TMEM200A: variants seen among roughly 807,000 people sequenced by gnomAD.
The protein encoded by TMEM200A is transmembrane protein 200A.
A neutral mutation model predicts 24.3 loss-of-function variants in TMEM200A; 12 were observed. That is an observed-to-expected ratio of 0.49 (90% confidence interval 0.32 to 0.80). The LOEUF (loss-of-function observed/expected upper bound fraction) is 0.80, where lower values mean the gene tolerates loss of function less well. Ranked by LOEUF, TMEM200A falls within the 30% of genes least tolerant of loss-of-function variation. The pLI is 0.04. For missense variants in TMEM200A, 545 were observed against 614.4 expected (o/e 0.89, Z 1.19); for synonymous variants, 224 against 224.4 (o/e 1.00, Z 0.02).
At chr6:130,398,654 A>G (rs1334575299) in intron 2 of TMEM200A, among the ~76,000 whole-genome samples, 1 of 151,882 alleles carries the variant, frequency 6.6e-6, no homozygotes, top group Non-Finnish European at 1.5e-5. Context: ...CTGTTGTTTT[A>G]AGACTTTTTA....
At chr6:130,409,238 C>T (rs572286830) in intron 2 of TMEM200A, among the ~76,000 whole-genome samples, 1 of 152,232 alleles carries the variant, frequency 6.6e-6, no homozygotes, top group East Asian at 1.9e-4. Context: ...CATCTGCTTC[C>T]CATTGGACAT....
chr6:130,375,449 GGATC>G (rs1778432142), intron 1 of TMEM200A, among the ~76,000 whole-genome samples: 1 of 152,094 alleles, frequency 6.6e-6, no homozygotes, highest in Non-Finnish European at 1.5e-5. Context: ...TGCCAGCTGG[GGATC>G]CAGTAATGAC....
Position 130,391,884 on chromosome 6 carries a change from G to A in TMEM200A, c.-17+6648G>A, listed in dbSNP as rs576172158. ...CAGCCTCCCGAGTAGCTGGGATAAC[G>A]GGTGCCCGCCACCATGCCCGGCTAA... On this transcript the variant is annotated intron_variant, in intron 2 of 2. Transcript: ENST00000296978. Among the ~76,000 whole-genome samples, 25 of 151,658 alleles carry A rather than the reference G, an allele frequency of 1.6e-4. 1 individual carries two copies. In the South Asian group the frequency reaches 2.3e-3, roughly 14 times the overall value.
Position 130,376,128 on chromosome 6 carries a change from T to G in TMEM200A, c.-80-9045T>G, listed in dbSNP as rs192989126. Among the ~76,000 whole-genome samples the G allele has an allele frequency of 1.6e-3, 248 of 152,254 alleles. 2 individuals are homozygous for G. In the Middle Eastern group the frequency reaches 0.028, roughly 17 times the overall value. On this transcript the variant is annotated intron_variant, in intron 1 of 2. Transcript: ENST00000296978. ...TAACTGAGCCTAGCATATTGACTTG[T>G]ACATTATATACATTTGATAAATGTT...
intron 1 of TMEM200A, among the ~76,000 whole-genome samples, chr6:130,369,098 A>G (rs1778251245): frequency 6.6e-6 from 1 of 152,200 alleles, no homozygotes. Context: ...AAGAGAAGTA[A>G]AAGATGTCTG....
chr6:130,437,215 T>G (rs2115229980), intron 2 of TMEM200A: 1 of 152,472 alleles, frequency 6.6e-6, no homozygotes, highest in African/African-American at 2.4e-5. Flanking sequence ...TACTGAGTTG[T>G]GTGCTGGCCA....
chr6:130,374,418 G>C (rs77324007), intron 1 of TMEM200A, among the ~76,000 whole-genome samples: 2 of 81,882 alleles, frequency 2.4e-5, no homozygotes, highest in African/African-American at 9.7e-5. Flanking sequence ...TTTTGTTTTT[G>C]TTTTTTTTTT....
At chr6:130,406,228 G>A (rs965131923) in intron 2 of TMEM200A, among the ~76,000 whole-genome samples, 3 of 151,904 alleles carry the variant, frequency 2.0e-5, no homozygotes, top group Admixed American at 6.6e-5. Context: ...TATACTACAT[G>A]CACAAAGGAG....
rs1353729504 is a variant in TMEM200A, at chr6:130,441,107, G to C, written c.685G>C (p.Asp229His). Reference sequence around the variant, plus strand: ...TCGAATGGACAGCTCCGTGGAGGAGGATGAACTTATGTTAAATGAAGGTAA... The same window carrying C: ...TCGAATGGACAGCTCCGTGGAGGAGCATGAACTTATGTTAAATGAAGGTAA... The part of the protein sequence containing the change: ...SFRMDSSVEE[D>H]ELMLNEGKSS... The change falls in exon 3 of 3, where the codon GAT (aspartate) becomes CAT (histidine). Residue 229 changes from aspartate (D) to histidine (H), a missense_variant. Asp to His is a moderately conservative substitution (Grantham distance 81). Coordinates refer to ENST00000296978, the MANE Select transcript of TMEM200A (RefSeq NM_001258277.2). 5 of 1,614,048 alleles carry C rather than the reference G, an allele frequency of 3.1e-6. No homozygotes were observed. The highest frequency in any genetic ancestry group is 4.2e-6 in the Non-Finnish European group (5 of 1,179,992).
chr6:130,401,747 A>C (rs1377766285), intron 2 of TMEM200A, among the ~76,000 whole-genome samples: 3 of 151,972 alleles, frequency 2.0e-5, no homozygotes, highest in Non-Finnish European at 2.9e-5. Flanking sequence ...TGCCATTAGT[A>C]GGTCTTTTCA....
intron 1 of TMEM200A, among the ~76,000 whole-genome samples, chr6:130,372,402 G>A (rs2115068292): frequency 6.6e-6 from 1 of 152,258 alleles, no homozygotes; most frequent in South Asian, 2.1e-4. Flanking sequence ...TCATTATGCA[G>A]GGTAGATACG....
In TMEM200A at chr6:130,401,785, G is replaced by A. The variant is rs576510720; in HGVS notation, c.-17+16549G>A. Among the ~76,000 whole-genome samples, 7 of 151,816 alleles carry A rather than the reference G, an allele frequency of 4.6e-5. No individual in the cohort carries two copies. In the South Asian group the frequency reaches 1.5e-3, roughly 31 times the overall value. ...TGTTTTAAATGTGTAAATTTGATAG[G>A]TAAAAACAGTGGTCTCTCACTTATT... is the stretch of plus-strand genomic sequence containing the variant. On this transcript the variant is annotated intron_variant, in intron 2 of 2. Coordinates refer to ENST00000296978, the MANE Select transcript of TMEM200A (RefSeq NM_001258277.2).
chr6:130,439,731 G>C (rs1414383192), intron 2 of TMEM200A, among the ~76,000 whole-genome samples: 3 of 152,164 alleles, frequency 2.0e-5, no homozygotes, highest in Non-Finnish European at 2.9e-5. Flanking sequence ...TGAGGTCAGA[G>C]TAGAAGTAGG....
chr6:130,377,283 G>A (rs1583173947), intron 1 of TMEM200A, among the ~76,000 whole-genome samples: 1 of 152,358 alleles, frequency 6.6e-6, no homozygotes, highest in South Asian at 2.1e-4. Context: ...ATTTGGTTAA[G>A]TGATTTGAAA....
At chr6:130,379,858 A>C (rs1414303059) in intron 1 of TMEM200A, among the ~76,000 whole-genome samples, 2 of 152,152 alleles carry the variant, frequency 1.3e-5, no homozygotes, top group Non-Finnish European at 2.9e-5. Flanking sequence ...AAAGATTGAG[A>C]AAAGAAGGAG....
chr6:130,402,382 A>T (rs1779110677), intron 2 of TMEM200A, among the ~76,000 whole-genome samples: 1 of 152,062 alleles, frequency 6.6e-6, no homozygotes, highest in Non-Finnish European at 1.5e-5. Context: ...CACTCAGTAG[A>T]TCTAAATTAA....
chr6:130,431,537 T>C lies in TMEM200A; in HGVS notation c.-16-8870T>C, dbSNP rs889866058. 4.6e-5 allele frequency among the ~76,000 whole-genome samples: 7 copies of C among 151,842 alleles called. No individual in the cohort carries two copies. The East Asian group carries it at 9.7e-4, about 21-fold the overall frequency. Reference sequence around the variant, plus strand: ...TAAGAGCTTGTCCAGATTTGAGGAGTTGGGATGTGGGGTGGAAAGCATATT... The same window carrying C: ...TAAGAGCTTGTCCAGATTTGAGGAGCTGGGATGTGGGGTGGAAAGCATATT... On this transcript the variant is annotated intron_variant, in intron 2 of 2. Transcript: ENST00000296978.
chr6:130,383,160 G>A (rs1220976602), intron 1 of TMEM200A: 17 of 650,568 alleles, frequency 2.6e-5, no homozygotes, highest in Middle Eastern at 7.9e-4. Flanking sequence ...CCGTAGCATC[G>A]GGCAAGACAG....
At chr6:130,412,722 A>G (rs928132614) in intron 2 of TMEM200A, among the ~76,000 whole-genome samples, 5 of 152,082 alleles carry the variant, frequency 3.3e-5, no homozygotes, top group African/African-American at 1.2e-4. Flanking sequence ...CCCCCTTCGA[A>G]TGCTTTAGGG....
Sources: allele counts gnomAD v4.1 joint callset (sites outside exome capture counted in the v4.1 genomes callset), GRCh38; gene constraint gnomAD v4.1.1; transcripts MANE v1.5; gene names NCBI Gene and HGNC (gene_info 2026-07-23, HGNC 2026-07-21).